NRP1: variants seen among roughly 807,000 people sequenced by gnomAD.
NRP1 encodes neuropilin 1.
NRP1 carries 35 observed loss-of-function variants against 106.7 expected under a neutral mutation model. The ratio of observed to expected loss-of-function variants is 0.33; its 90% CI spans 0.25 to 0.43. NRP1 has a LOEUF of 0.43. Ranked by LOEUF, NRP1 falls within the 20% of genes least tolerant of loss-of-function variation. The pLI, the probability that NRP1 is intolerant of heterozygous loss-of-function variation, is 1.00. For missense variants in NRP1, 1,024 were observed against 1,170.4 expected (o/e 0.87, Z 1.83); for synonymous variants, 437 against 417.9 (o/e 1.05, Z -0.56).
chr10:33,236,173 A>G (rs1487315022), intron 6 of NRP1, among the ~76,000 whole-genome samples: 1 of 152,260 alleles, frequency 6.6e-6, no homozygotes, highest in East Asian at 1.9e-4. Flanking sequence ...TGTAATCCCT[A>G]GGAATTTGGC....
intron 2 of NRP1, among the ~76,000 whole-genome samples, chr10:33,315,285 T>C (rs1359214526): frequency 6.6e-6 from 1 of 152,246 alleles, no homozygotes; most frequent in African/African-American, 2.4e-5. Flanking sequence ...AATATGTAAG[T>C]CTGACTCACT....
intron 2 of NRP1, among the ~76,000 whole-genome samples, chr10:33,293,638 A>G (rs1356160643): frequency 6.6e-6 from 1 of 152,192 alleles, no homozygotes; most frequent in Non-Finnish European, 1.5e-5. Context: ...TTCTATTAAA[A>G]CACACTCACT....
chr10:33,186,369 T>C lies in NRP1; in HGVS notation c.2182A>G (p.Met728Val). 2 of 1,614,058 alleles carry C rather than the reference T, an allele frequency of 1.2e-6. No individual in the cohort carries two copies. The highest frequency in any genetic ancestry group is 1.7e-6 in the Non-Finnish European group (2 of 1,180,020). Residue 728 changes from methionine to valine, a missense_variant, in exon 14 of 17, where the codon ATG (methionine) becomes GTG (valine). By Grantham distance (21) the Met-to-Val change is conservative (BLOSUM62 1). This residue lies in a region of NRP1 where 562 missense variants were observed against 620.3 expected (regional missense o/e 0.91). Coordinates refer to ENST00000374867, the MANE Select transcript of NRP1 (RefSeq NM_003873.7). ...AGTGTGCCGACGTGGGACCCAGACATGTGATACCAGAAGGTCATGCAGTGG... is the reference window on the plus strand; with the variant it reads ...AGTGTGCCGACGTGGGACCCAGACACGTGATACCAGAAGGTCATGCAGTGG... ...SAHCMTFWYH[M>V]SGSHVGTLRV...
Position 33,334,434 on chromosome 10 carries a change from G to A in NRP1, c.-52C>T, listed in dbSNP as rs1017595539. 21 of 1,469,388 alleles carry A rather than the reference G, an allele frequency of 1.4e-5. No individual in the cohort carries two copies. The highest frequency in any genetic ancestry group is 2.8e-5 in the African/African-American group (2 of 71,650). The allele number at this position is 1,469,388 out of a possible 1,614,324, so 91.0% of individuals were successfully genotyped here. A position where few individuals can be genotyped will look rare whatever the true frequency, so the allele number is the denominator to read the frequency against. ...ACGCGGGAGAACGAGGACGTGGGGG[G>A]AAATGCAGCAAAGAGGAGAATCTAA... On this transcript the variant is annotated 5_prime_UTR_variant, in exon 1 of 17. Transcript: ENST00000374867.
At chr10:33,320,010 A>G (rs1847370961) in intron 2 of NRP1, among the ~76,000 whole-genome samples, 1 of 149,140 alleles carries the variant, frequency 6.7e-6, no homozygotes, top group Admixed American at 6.7e-5. Flanking sequence ...CGCGCGGGGC[A>G]TGCGTAAAAG....
intron 4 of NRP1, among the ~76,000 whole-genome samples, chr10:33,257,092 T>C (rs1330876819): frequency 6.6e-6 from 1 of 152,214 alleles, no homozygotes; most frequent in Non-Finnish European, 1.5e-5. Flanking sequence ...GACAAATCAT[T>C]GTAACCATGT....
At chr10:33,217,712 T>G (rs1425033078) in intron 8 of NRP1, among the ~76,000 whole-genome samples, 1 of 152,234 alleles carries the variant, frequency 6.6e-6, no homozygotes, top group South Asian at 2.1e-4. Context: ...TGAAAAATTA[T>G]GTCTTGTTTG....
intron 8 of NRP1, among the ~76,000 whole-genome samples, chr10:33,214,900 A>G: frequency 6.6e-6 from 1 of 152,226 alleles, no homozygotes; most frequent in East Asian, 1.9e-4. Context: ...TGATGCTTGC[A>G]CAGCAATGTG....
intron 2 of NRP1, among the ~76,000 whole-genome samples, chr10:33,313,388 G>C (rs1452247338): frequency 2.6e-5 from 4 of 152,004 alleles, no homozygotes; most frequent in Non-Finnish European, 1.5e-5. Context: ...AAAGCCCCAG[G>C]GATCAGGACC....
chr10:33,307,076 G>A (rs1301870172), intron 2 of NRP1, among the ~76,000 whole-genome samples: 1 of 152,046 alleles, frequency 6.6e-6, no homozygotes, highest in Non-Finnish European at 1.5e-5. Flanking sequence ...TTTCCAAATC[G>A]CTTTGCAACA....
At chr10:33,231,003 C>T (rs1289361663) in intron 6 of NRP1, among the ~76,000 whole-genome samples, 4 of 152,100 alleles carry the variant, frequency 2.6e-5, no homozygotes, top group African/African-American at 9.7e-5. Flanking sequence ...CCTGCTACAC[C>T]TCTCTCTTTC....
At chr10:33,324,445 A>C (rs1332628112) in intron 2 of NRP1, among the ~76,000 whole-genome samples, 1 of 152,254 alleles carries the variant, frequency 6.6e-6, no homozygotes, top group Non-Finnish European at 1.5e-5. Flanking sequence ...ATTTGCTTGC[A>C]CATAAAATCT....
rs537912971 is a variant in NRP1, at chr10:33,211,923, C to A, written c.1614+1463G>T. On this transcript the variant is annotated intron_variant, in intron 9 of 16. Transcript: ENST00000374867. ...ATACCATCGCTGAATATAATTCCCA[C>A]ACTGAACACAGAACTTAAACTGCTA... 3.3e-5 allele frequency: 5 copies of A among 152,374 alleles called. No individual in the cohort carries two copies. The South Asian group carries it at 1.0e-3, about 32-fold the overall frequency. 9.4% of individuals were successfully genotyped at this position (152,374 alleles called of 1,614,324 possible).
intron 3 of NRP1, among the ~76,000 whole-genome samples, chr10:33,269,496 G>A (rs1843146708): frequency 6.6e-6 from 1 of 152,118 alleles, no homozygotes; most frequent in African/African-American, 2.4e-5. Context: ...CAGACTTCAA[G>A]GATAGATCAA....
At chr10:33,248,505 A>G (rs1266949394) in intron 6 of NRP1, among the ~76,000 whole-genome samples, 2 of 152,188 alleles carry the variant, frequency 1.3e-5, no homozygotes, top group Admixed American at 1.3e-4. Context: ...TTTCAATTCC[A>G]TTCAGCCCAT....
Position 33,260,899 on chromosome 10 carries a change from G to A in NRP1, c.658+2747C>T, listed in dbSNP as rs77399364. Among the ~76,000 whole-genome samples the A allele has an allele frequency of 8.1e-3, 1,180 of 145,088 alleles. 10 individuals carry two copies. The highest frequency in any genetic ancestry group is 0.028 in the African/African-American group (1,120 of 39,408). On this transcript the variant is annotated intron_variant, in intron 4 of 16. Transcript: ENST00000374867. Reference sequence around the variant, plus strand: ...CCTTCTGGTTGTTGTTTTTGGAAAGGATATCAAAGACTAAAAGCAATCTTG... The same window carrying A: ...CCTTCTGGTTGTTGTTTTTGGAAAGAATATCAAAGACTAAAAGCAATCTTG...
At chr10:33,331,396 T>C (rs1345731782) in intron 1 of NRP1, among the ~76,000 whole-genome samples, 2 of 152,206 alleles carry the variant, frequency 1.3e-5, no homozygotes, top group African/African-American at 2.4e-5. Context: ...GTTGTTGTTT[T>C]ATCTGCCCAT....
At position 33,213,435 on chromosome 10, in the gene NRP1, T is replaced by C. The variant is rs1588737721; in HGVS notation, c.1565A>G (p.Asn522Ser). ...MRKFKIGYSN[N>S]GSDWKMIMDD... ...CATGATCATCTTCCAGTCCGAGCCGTTGTTGCTGTACCCGATCTTGAACTT... is the reference window on the plus strand; with the variant it reads ...CATGATCATCTTCCAGTCCGAGCCGCTGTTGCTGTACCCGATCTTGAACTT... The change falls in exon 9 of 17, where the codon AAC (asparagine) becomes AGC (serine). Residue 522 changes from asparagine (N) to serine (S), a missense_variant. This residue lies in a region of NRP1 where 562 missense variants were observed against 620.3 expected (regional missense o/e 0.91). Coordinates refer to ENST00000374867, the MANE Select transcript of NRP1 (RefSeq NM_003873.7). The C allele has an allele frequency of 6.2e-7, 1 of 1,613,992 alleles. No individual in the cohort carries two copies. The highest frequency in any genetic ancestry group is 8.5e-7 in the Non-Finnish European group (1 of 1,180,006).
intron 3 of NRP1, among the ~76,000 whole-genome samples, chr10:33,264,127 A>G (rs1317795823): frequency 6.6e-6 from 1 of 152,228 alleles, no homozygotes; most frequent in Non-Finnish European, 1.5e-5. Context: ...AGGGAAAAAT[A>G]TGACAAATAT....
Sources: gnomAD v4.1 joint callset for allele counts (sites outside exome capture counted in the v4.1 genomes callset) on GRCh38, gnomAD v4.1.1 for gene constraint, gnomAD v4.1.1 regional missense constraint, MANE v1.5 for transcripts, NCBI Gene and HGNC (gene_info 2026-07-23, HGNC 2026-07-21) for gene names.